GABRG3: variants seen among roughly 807,000 people sequenced by gnomAD.
The protein encoded by GABRG3 is gamma-aminobutyric acid type A receptor subunit gamma3, also known as gamma-aminobutyric acid receptor subunit gamma-3.
Under a neutral mutation model 48.8 loss-of-function variants are expected in GABRG3, and 25 were observed. That is an observed-to-expected ratio of 0.51 (90% CI 0.37 to 0.72). The LOEUF (loss-of-function observed/expected upper bound fraction) is 0.72. Ranked by LOEUF, GABRG3 falls within the 30% of genes least tolerant of loss-of-function variation. The probability of loss-of-function intolerance (pLI) is 0.00; values close to 1 mark genes in which losing one functional copy is unlikely to be tolerated. For missense variants in GABRG3, 394 were observed against 577.9 expected (o/e 0.68, Z 3.26); for synonymous variants, 227 against 217.6 (o/e 1.04, Z -0.38).
intron 2 of GABRG3, among the ~76,000 whole-genome samples, chr15:27,023,599 A>G (rs537762914): frequency 1.5e-3 from 221 of 152,350 alleles, no homozygotes; most frequent in Non-Finnish European, 2.9e-3. Flanking sequence ...ACTTAGCATA[A>G]TGTCCTCAAG....
intron 2 of GABRG3, among the ~76,000 whole-genome samples, chr15:26,997,336 G>A (rs1228428087): frequency 6.6e-6 from 1 of 152,086 alleles, no homozygotes; most frequent in Non-Finnish European, 1.5e-5. Context: ...GACCCCTCAA[G>A]AGTAGTTTCT....
chr15:26,981,082 T>G (rs1895044965), intron 2 of GABRG3, among the ~76,000 whole-genome samples: 1 of 152,180 alleles, frequency 6.6e-6, no homozygotes, highest in African/African-American at 2.4e-5. Context: ...AAATAAAAGT[T>G]TTTTAAAAAA....
intron 5 of GABRG3, among the ~76,000 whole-genome samples, chr15:27,467,017 T>C (rs1385311641): frequency 1.3e-5 from 2 of 152,174 alleles, no homozygotes; most frequent in African/African-American, 4.8e-5. Flanking sequence ...TAATATAGCA[T>C]CTTAGTCATC....
chr15:27,257,886 G>C (rs948648400), intron 3 of GABRG3, among the ~76,000 whole-genome samples: 1 of 141,496 alleles, frequency 7.1e-6, no homozygotes, highest in African/African-American at 2.7e-5. Context: ...GAACTCCTGG[G>C]CTCCAGTGAT....
intron 3 of GABRG3, among the ~76,000 whole-genome samples, chr15:27,109,968 T>C (rs977566282): frequency 2.0e-5 from 3 of 152,214 alleles, no homozygotes; most frequent in Non-Finnish European, 4.4e-5. Flanking sequence ...TTTGTGTTTA[T>C]ATCCACTTTG....
At chr15:27,354,471 C>T (rs367996965) in intron 5 of GABRG3, among the ~76,000 whole-genome samples, 38 of 152,280 alleles carry the variant, frequency 2.5e-4, no homozygotes, top group East Asian at 1.9e-4. Context: ...GGGCACCACC[C>T]GTCCCCAATC....
chr15:27,308,180 CCAAACATATATAAACATGTTTATAT>C (rs1174190745), intron 3 of GABRG3, among the ~76,000 whole-genome samples: 12 of 76,514 alleles, frequency 1.6e-4, no homozygotes, highest in Admixed American at 3.6e-4. Flanking sequence ...GTTTATATAT[CCAAACATATATAAACATGTTTATAT>C]ATCCAAACAT....
intron 3 of GABRG3, among the ~76,000 whole-genome samples, chr15:27,190,253 G>T (rs935733298): frequency 2.6e-5 from 4 of 152,168 alleles, no homozygotes; most frequent in African/African-American, 9.7e-5. Flanking sequence ...AATGAGTTAG[G>T]GAGGATTCCC....
intron 5 of GABRG3, among the ~76,000 whole-genome samples, chr15:27,468,495 C>G (rs1021802043): frequency 2.0e-5 from 3 of 152,110 alleles, no homozygotes; most frequent in African/African-American, 7.2e-5. Context: ...CGTGTTGGAT[C>G]CAGTTGGTCT....
chr15:27,201,736 T>C (rs1260724752), intron 3 of GABRG3, among the ~76,000 whole-genome samples: 3 of 152,280 alleles, frequency 2.0e-5, no homozygotes, highest in South Asian at 2.1e-4. Context: ...TAGTGCTGTT[T>C]ATAATCGGAA....
In GABRG3 at chr15:27,037,038, G is replaced by T. The variant is rs576159300; in HGVS notation, c.270+10217G>T. Among the ~76,000 whole-genome samples, 12 of 152,270 alleles carry T rather than the reference G, an allele frequency of 7.9e-5. No individual in the cohort carries two copies. In the South Asian group the frequency reaches 2.5e-3, roughly 32 times the overall value. On this transcript the variant is annotated intron_variant, in intron 3 of 9. Coordinates refer to ENST00000615808, the MANE Select transcript of GABRG3 (RefSeq NM_033223.5). ...AGGGAGAACACCAGGTGAAGAAGGAGACAGAGATCAGGGTGATCCTCTATA... is the reference window on the plus strand; with the variant it reads ...AGGGAGAACACCAGGTGAAGAAGGATACAGAGATCAGGGTGATCCTCTATA...
intron 3 of GABRG3, among the ~76,000 whole-genome samples, chr15:27,238,165 T>C (rs980734011): frequency 3.6e-5 from 4 of 111,932 alleles, no homozygotes; most frequent in African/African-American, 5.2e-5. Context: ...CTTTCATTTC[T>C]GTTTCCTATC....
At chr15:27,132,383 A>T (rs1897930243) in intron 3 of GABRG3, among the ~76,000 whole-genome samples, 1 of 151,128 alleles carries the variant, frequency 6.6e-6, no homozygotes, top group Non-Finnish European at 1.5e-5. Context: ...AATTTATTGA[A>T]GAGAATTCTC....
chr15:27,322,832 A>G (rs1893478394), intron 3 of GABRG3, among the ~76,000 whole-genome samples: 1 of 152,022 alleles, frequency 6.6e-6, no homozygotes, highest in African/African-American at 2.4e-5. Flanking sequence ...AGTTTAGAAT[A>G]ATTGGTACTT....
chr15:27,244,740 G>T (rs976843202), intron 3 of GABRG3, among the ~76,000 whole-genome samples: 1 of 152,060 alleles, frequency 6.6e-6, no homozygotes, highest in Admixed American at 6.5e-5. Flanking sequence ...CTGTGATTGT[G>T]CCACTGCCCT....
chr15:27,354,333 C>T (rs549987649), intron 5 of GABRG3, among the ~76,000 whole-genome samples: 14 of 152,344 alleles, frequency 9.2e-5, no homozygotes, highest in Admixed American at 8.5e-4. Flanking sequence ...GGATGGAATT[C>T]AGTGGAGTGC....
chr15:27,098,981 C>T (rs1375577184), intron 3 of GABRG3, among the ~76,000 whole-genome samples: 2 of 152,166 alleles, frequency 1.3e-5, no homozygotes, highest in Admixed American at 6.5e-5. Flanking sequence ...ATGAGTTAGC[C>T]CCAGTCCCGT....
chr15:27,035,574 G>A (rs1486096398), intron 3 of GABRG3, among the ~76,000 whole-genome samples: 1 of 152,150 alleles, frequency 6.6e-6, no homozygotes, highest in Non-Finnish European at 1.5e-5. Context: ...AGGTGGGGCT[G>A]TTGGGTTGGG....
intron 5 of GABRG3, among the ~76,000 whole-genome samples, chr15:27,455,460 G>A (rs545526533): frequency 2.0e-5 from 3 of 147,614 alleles, no homozygotes; most frequent in African/African-American, 5.0e-5. Flanking sequence ...TGTGTGATTC[G>A]TGAGTTTGCA....
Sources: gnomAD v4.1 joint callset for allele counts (sites outside exome capture counted in the v4.1 genomes callset) on GRCh38, gnomAD v4.1.1 for gene constraint, MANE v1.5 for transcripts, NCBI Gene and HGNC (gene_info 2026-07-23, HGNC 2026-07-21) for gene names.